NUP160: variants seen among roughly 807,000 people sequenced by gnomAD.
NUP160 encodes nucleoporin 160.
Under a neutral mutation model 196.9 loss-of-function variants are expected in NUP160, and 94 were observed. That is an observed-to-expected ratio of 0.48 (90% CI 0.40 to 0.57). The LOEUF is 0.57. Among genes scored for constraint, NUP160 ranks in the 20% least tolerant of loss-of-function variants. The probability of loss-of-function intolerance (pLI) is 0.00; values close to 1 mark genes in which losing one functional copy is unlikely to be tolerated. For synonymous variants in NUP160, 605 were observed against 619.7 expected, an observed-to-expected ratio of 0.98 and a Z score of 0.35; for missense variants, 1,638 against 1,748.3, an observed-to-expected ratio of 0.94 and a Z score of 1.13.
intron 2 of NUP160, among the ~76,000 whole-genome samples, chr11:47,845,122 T>A: frequency 6.6e-6 from 1 of 152,212 alleles, no homozygotes; most frequent in East Asian, 1.9e-4. Context: ...CTACTCTGTC[T>A]ATGGAGTAGC....
At chr11:47,797,728 G>T in intron 27 of NUP160, 51 bp downstream of exon 27, 2 of 1,306,930 alleles carry the variant, frequency 1.5e-6, no homozygotes, top group South Asian at 2.4e-5. Flanking sequence ...GGTAAAACAT[G>T]ATTAAACTAA....
exon 2 of NUP160, chr11:47,847,946 G>A (rs2135409362): frequency 1.2e-6 from 2 of 1,613,894 alleles, no homozygotes; most frequent in South Asian, 1.1e-5. Context: ...CGCCAGCCAC[G>A]GCATTTGCAG....
intron 31 of NUP160, among the ~76,000 whole-genome samples, chr11:47,787,773 A>G (rs1255049826): frequency 1.3e-5 from 2 of 151,974 alleles, no homozygotes; most frequent in Non-Finnish European, 2.9e-5. Context: ...GCTGGAGTGC[A>G]GTGGCGCGAT....
intron 27 of NUP160, among the ~76,000 whole-genome samples, chr11:47,795,151 C>A (rs923981201): frequency 6.6e-6 from 1 of 151,942 alleles, no homozygotes; most frequent in Non-Finnish European, 1.5e-5. Context: ...TGCACATATT[C>A]AATAAGATTC....
chr11:47,796,432 C>T, intron 27 of NUP160: 1 of 313,054 alleles, frequency 3.2e-6, no homozygotes, highest in Admixed American at 4.9e-5. Flanking sequence ...TTAAAAAAAT[C>T]ATGATGTCTT....
chr11:47,826,711 C>T (rs1008571969), intron 7 of NUP160, among the ~76,000 whole-genome samples: 2 of 151,986 alleles, frequency 1.3e-5, no homozygotes, highest in Non-Finnish European at 1.5e-5. Flanking sequence ...TAAAGATGCC[C>T]GCCACCACGC....
intron 18 of NUP160, 82 bp downstream of exon 18, chr11:47,808,314 A>G (rs2097678967): frequency 1.5e-6 from 2 of 1,360,960 alleles, no homozygotes; most frequent in African/African-American, 1.5e-5. Context: ...ACAAAACACT[A>G]AAACTTTTTC....
At chr11:47,781,742 T>G (rs953302951) in intron 34 of NUP160, among the ~76,000 whole-genome samples, 1 of 152,148 alleles carries the variant, frequency 6.6e-6, no homozygotes, top group African/African-American at 2.4e-5. Context: ...AAAAAATGCT[T>G]GTAGAGACTT....
intron 29 of NUP160, among the ~76,000 whole-genome samples, chr11:47,789,265 C>T (rs1434552597): frequency 6.6e-6 from 1 of 152,110 alleles, no homozygotes; most frequent in Non-Finnish European, 1.5e-5. Context: ...CCTTGGCCTC[C>T]CAAAATGCTG....
intron 2 of NUP160, among the ~76,000 whole-genome samples, chr11:47,845,119 G>A (rs1852374552): frequency 6.6e-6 from 1 of 152,134 alleles, no homozygotes; most frequent in Admixed American, 6.6e-5. Context: ...GAGCTACTCT[G>A]TCTATGGAGT....
At chr11:47,827,191 G>A (rs751552015) in intron 7 of NUP160, 14 of 454,970 alleles carry the variant, frequency 3.1e-5, no homozygotes, top group South Asian at 1.7e-4. Context: ...GCGAAACCCC[G>A]TCTCTACCAA....
intron 7 of NUP160, among the ~76,000 whole-genome samples, chr11:47,827,594 G>A (rs1206159404): frequency 1.3e-5 from 2 of 151,550 alleles, no homozygotes. Context: ...CCGTGGTCCC[G>A]GCAACTCTAC....
At chr11:47,847,532 G>A (rs1852421215) in intron 2 of NUP160, among the ~76,000 whole-genome samples, 1 of 151,164 alleles carries the variant, frequency 6.6e-6, no homozygotes, top group Non-Finnish European at 1.5e-5. Context: ...GAAGGAAGCT[G>A]TAAAGCACTA....
chr11:47,839,592 C>A, intron 4 of NUP160: 1 of 458,370 alleles, frequency 2.2e-6, no homozygotes. Flanking sequence ...TTAGGCAACC[C>A]ATCTCTACTA....
intron 17 of NUP160, among the ~76,000 whole-genome samples, chr11:47,810,549 T>C (rs1004198166): frequency 2.1e-5 from 3 of 140,476 alleles, no homozygotes; most frequent in African/African-American, 7.8e-5. Flanking sequence ...TTATAATTTC[T>C]TTTTTTTTTT....
intron 1 of NUP160, 29 bp from the exon 2 acceptor site, chr11:47,847,988 A>G: frequency 6.4e-7 from 1 of 1,550,694 alleles, no homozygotes; most frequent in Non-Finnish European, 8.9e-7. Context: ...CAGCCTGCAC[A>G]CGCGTCTTCT....
At chr11:47,841,426 T>C in intron 2 of NUP160, 2 of 453,708 alleles carry the variant, frequency 4.4e-6, no homozygotes, top group Non-Finnish European at 8.5e-6. Context: ...CTCCACTTGG[T>C]TCACAGGCGC....
At chr11:47,797,379 C>T (rs988029136) in intron 27 of NUP160, among the ~76,000 whole-genome samples, 13 of 152,076 alleles carry the variant, frequency 8.5e-5, no homozygotes, top group African/African-American at 2.9e-4. Context: ...GCTGGGATTA[C>T]AGGTGCCCAC....
intron 2 of NUP160, among the ~76,000 whole-genome samples, chr11:47,844,933 G>A (rs1852370638): frequency 6.6e-6 from 1 of 152,136 alleles, no homozygotes; most frequent in Admixed American, 6.5e-5. Context: ...GGCGACAAGG[G>A]TGACCTCCAG....
Sources: allele counts gnomAD v4.1 joint callset (sites outside exome capture counted in the v4.1 genomes callset), GRCh38; gene constraint gnomAD v4.1.1; transcripts MANE v1.5; gene names NCBI Gene and HGNC (gene_info 2026-07-23, HGNC 2026-07-21).